The following RSPH14 variants were observed in gnomAD, a reference collection of about 807,000 sequenced individuals.
The protein encoded by RSPH14 is rhabdoid tumor deletion region gene 1.
A neutral mutation model predicts 26.7 loss-of-function variants in RSPH14; 20 were observed. The observed-to-expected ratio is 0.75, with a 90% CI of 0.53 to 1.09. The LOEUF (loss-of-function observed/expected upper bound fraction) is 1.09. Among genes scored for constraint, RSPH14 ranks in the 50% least tolerant of loss-of-function variants. The probability of loss-of-function intolerance (pLI) is 0.00; values close to 1 mark genes in which losing one functional copy is unlikely to be tolerated. For missense variants in RSPH14, 449 were observed against 457.2 expected (o/e 0.98, Z 0.16); for synonymous variants, 177 against 189.3 (o/e 0.93, Z 0.53).
intron 3 of RSPH14, among the ~76,000 whole-genome samples, chr22:23,134,549 A>G (rs1402386734): frequency 1.2e-4 from 1 of 8,476 alleles, no homozygotes; most frequent in African/African-American, 3.6e-4. Context: ...ACTCCCAACC[A>G]AAAAAAAAAA....
In RSPH14 at chr22:23,095,415, G is replaced by A. The variant is rs575066449; in HGVS notation, c.422-31282C>T. On this transcript the variant is annotated intron_variant, in intron 4 of 6. Transcript: ENST00000216036. Reference sequence around the variant, plus strand: ...CGGACGGCTTCCCACCGTCGCCGAGGACAGGGAATGACTACGGCAAATCAG... The same window carrying A: ...CGGACGGCTTCCCACCGTCGCCGAGAACAGGGAATGACTACGGCAAATCAG... 1.1e-3 allele frequency: 498 copies of A among 442,520 alleles called. 6 individuals are homozygous for A. The highest frequency in any genetic ancestry group is 4.9e-3 in the Admixed American group (120 of 24,740). 27.4% of individuals were successfully genotyped at this position (442,520 alleles called of 1,614,324 possible).
the RSPH14 span, among the ~76,000 whole-genome samples, chr22:23,171,435 C>T: frequency 2.0e-5 from 3 of 152,224 alleles, no homozygotes; most frequent in Non-Finnish European, 4.4e-5. Context: ...ACCTCAGCCT[C>T]TGGAGTAGCT....
chr22:23,059,703 AG>A lies in RSPH14; in HGVS notation c.805del (p.Leu269TrpfsTer17). On this transcript the variant is annotated frameshift_variant, in exon 7 of 7. Coordinates refer to ENST00000216036, the MANE Select transcript of RSPH14 (RefSeq NM_014433.3). LOFTEE classifies it low-confidence loss of function (END_TRUNC). The part of the protein sequence containing the change: ...TVITEGKYAA[L>X]EAQAIGLLLE... Reference sequence around the variant, plus strand: ...GAGCAGGCCGATGGCTTGTGCCTCCAGGGCCGCATACTTCCCTGCAGGCCAC... The same window carrying A: ...GAGCAGGCCGATGGCTTGTGCCTCCAGGCCGCATACTTCCCTGCAGGCCAC... 6.5e-7 allele frequency: 1 copy of A among 1,537,284 alleles called. No homozygotes were observed.
the RSPH14 span, among the ~76,000 whole-genome samples, chr22:23,167,692 CTCTT>C: frequency 6.6e-6 from 1 of 151,736 alleles, no homozygotes; most frequent in Non-Finnish European, 1.5e-5. Flanking sequence ...CATTCATTAA[CTCTT>C]TTTTTAATTA....
In RSPH14 at chr22:23,061,933, C is replaced by G. The variant is rs180969312; in HGVS notation, c.666G>C (p.Glu222Asp). ...CAAAATGACACACCTGTTTCTTGCCCTCTCGAGATATGCTGGGGCAGAGAG... is the reference window on the plus strand; with the variant it reads ...CAAAATGACACACCTGTTTCTTGCCGTCTCGAGATATGCTGGGGCAGAGAG... The part of the protein sequence containing the change: ...RALLNVSISR[E>D]GKKQVCHFDV... The change falls in exon 6 of 7, where the codon GAG becomes GAC. Residue 222 changes from glutamate (E) to aspartate (D), a missense_variant. Glu to Asp is a conservative substitution (Grantham distance 45, BLOSUM62 2). Transcript: ENST00000216036. The G allele has an allele frequency of 6.2e-7, 1 of 1,614,124 alleles. No homozygotes were observed. The highest frequency in any genetic ancestry group is 2.2e-5 in the East Asian group (1 of 44,876).
the RSPH14 span, among the ~76,000 whole-genome samples, chr22:23,173,622 G>GTTTTTTT: frequency 8.9e-6 from 1 of 112,322 alleles, no homozygotes; most frequent in African/African-American, 3.5e-5. Context: ...TTTATTTTTG[G>GTTTTTTT]TTTTTTGTTT....
chr22:23,100,367 C>T (rs900574836), intron 4 of RSPH14, among the ~76,000 whole-genome samples: 1 of 152,244 alleles, frequency 6.6e-6, no homozygotes, highest in African/African-American at 2.4e-5. Context: ...CAGGCTGGGT[C>T]ACAGCAGGGT....
the RSPH14 span, chr22:23,156,045 C>T: frequency 6.2e-7 from 1 of 1,607,664 alleles, no homozygotes; most frequent in South Asian, 1.1e-5. Context: ...GAGCAACATG[C>T]CACGTCGGGG....
At chr22:23,104,548 GA>G (rs1303035902) in intron 4 of RSPH14, among the ~76,000 whole-genome samples, 1 of 151,794 alleles carries the variant, frequency 6.6e-6, no homozygotes, top group Admixed American at 6.5e-5. Flanking sequence ...ACACACACAT[GA>G]GAACAGCTCT....
intron 4 of RSPH14, among the ~76,000 whole-genome samples, chr22:23,084,006 G>T (rs1050981810): frequency 2.0e-5 from 3 of 152,150 alleles, no homozygotes; most frequent in African/African-American, 7.2e-5. Flanking sequence ...AGCCAGAGAG[G>T]CAGGAACCTT....
At chr22:23,101,214 C>G (rs1301727795) in intron 4 of RSPH14, among the ~76,000 whole-genome samples, 1 of 152,196 alleles carries the variant, frequency 6.6e-6, no homozygotes, top group Non-Finnish European at 1.5e-5. Flanking sequence ...GATGAGGAAA[C>G]TGAGCCTCAG....
chr22:23,145,545 A>G (rs745766095), upstream of RSPH14: 2 of 1,600,730 alleles, frequency 1.2e-6, no homozygotes, highest in Admixed American at 3.3e-5. Context: ...TTTCACAGCC[A>G]TCGCTGGTGA....
chr22:23,147,628 T>G (rs1569203799), upstream of RSPH14, among the ~76,000 whole-genome samples: 1 of 152,236 alleles, frequency 6.6e-6, no homozygotes, highest in African/African-American at 2.4e-5. Context: ...CCACCACAAC[T>G]GGCCTTGCTA....
At chr22:23,162,605 A>C in the RSPH14 span, 1 of 455,212 alleles carries the variant, frequency 2.2e-6, no homozygotes, top group Non-Finnish European at 4.4e-6. Flanking sequence ...CACATTCCCC[A>C]GCCTCTCTGC....
intron 5 of RSPH14, among the ~76,000 whole-genome samples, chr22:23,063,546 C>T (rs908388824): frequency 2.0e-5 from 3 of 152,166 alleles, no homozygotes; most frequent in African/African-American, 4.8e-5. Flanking sequence ...GGAGGGTCGC[C>T]TAAATGTGAG....
chr22:23,122,844 C>T (rs2070070603), intron 4 of RSPH14: 1 of 571,536 alleles, frequency 1.7e-6, no homozygotes, highest in East Asian at 2.8e-5. Flanking sequence ...GAGGAGAGAC[C>T]CAAAAGGGGC....
rs1325462752 is a variant in RSPH14, at chr22:23,086,256, T to C, written c.422-22123A>G. On this transcript the variant is annotated intron_variant, in intron 4 of 6. Transcript: ENST00000216036. ...TCCCGTGGGGCCCAGTTGGAGGGCT[T>C]GGTGGGAGCAGAGGCCTGCAGACTC... 2.6e-5 allele frequency among the ~76,000 whole-genome samples: 4 copies of C among 152,254 alleles called. No individual in the cohort carries two copies. In the East Asian group the frequency reaches 7.7e-4, roughly 29 times the overall value.
At chr22:23,091,695 C>T (rs1288596195) in intron 4 of RSPH14, among the ~76,000 whole-genome samples, 1 of 152,120 alleles carries the variant, frequency 6.6e-6, no homozygotes, top group African/African-American at 2.4e-5. Context: ...CATACACACA[C>T]ACGCACCGCA....
chr22:23,153,605 C>T, the RSPH14 span: 1 of 985,130 alleles, frequency 1.0e-6, no homozygotes, highest in Non-Finnish European at 1.2e-6. Flanking sequence ...GCACCCACAT[C>T]CTTCCTCAGG....
Sources: allele counts gnomAD v4.1 joint callset (sites outside exome capture counted in the v4.1 genomes callset), GRCh38; gene constraint gnomAD v4.1.1; transcripts MANE v1.5; gene names NCBI Gene and HGNC (gene_info 2026-07-23, HGNC 2026-07-21).